Variants in SLC13A3 observed in about 807,000 individuals in gnomAD.
The protein encoded by SLC13A3 is Na(+)/dicarboxylate cotransporter 3.
Under a neutral mutation model 59.0 loss-of-function variants are expected in SLC13A3, and 40 were observed. The ratio of observed to expected loss-of-function variants is 0.68; its 90% CI spans 0.53 to 0.88. The LOEUF (loss-of-function observed/expected upper bound fraction) is 0.88, where lower values mean the gene tolerates loss of function less well. Among genes scored for constraint, SLC13A3 ranks in the 40% least tolerant of loss-of-function variants. The probability of loss-of-function intolerance (pLI) is 0.00; values close to 1 mark genes in which losing one functional copy is unlikely to be tolerated. For missense variants in SLC13A3, 699 were observed against 783.2 expected, an observed-to-expected ratio of 0.89 and a Z score of 1.28; for synonymous variants, 317 against 330.3, an observed-to-expected ratio of 0.96 and a Z score of 0.44.
chr20:46,587,739 T>C (rs1240737043), intron 8 of SLC13A3, among the ~76,000 whole-genome samples: 2 of 152,232 alleles, frequency 1.3e-5, no homozygotes, highest in Non-Finnish European at 2.9e-5. Context: ...GCTTAGCACA[T>C]AATAGGTTCT....
chr20:46,649,397 T>C (rs867058610), intron 1 of SLC13A3, among the ~76,000 whole-genome samples: 3 of 152,148 alleles, frequency 2.0e-5, no homozygotes, highest in Non-Finnish European at 2.9e-5. Context: ...CCCCCTCAAG[T>C]AGTAAATGCT....
intron 3 of SLC13A3, among the ~76,000 whole-genome samples, chr20:46,606,204 G>A (rs1413513161): frequency 6.6e-6 from 1 of 152,154 alleles, no homozygotes; most frequent in Non-Finnish European, 1.5e-5. Flanking sequence ...CGCTCAAGTA[G>A]GAGGGGAAAC....
chr20:46,638,120 C>T (rs531071388), intron 1 of SLC13A3, among the ~76,000 whole-genome samples: 4 of 152,306 alleles, frequency 2.6e-5, no homozygotes, highest in African/African-American at 7.2e-5. Context: ...GGATGTCCCA[C>T]GATTCTGGTC....
intron 1 of SLC13A3, among the ~76,000 whole-genome samples, chr20:46,682,926 A>G (rs1039990884): frequency 1.3e-5 from 2 of 152,178 alleles, no homozygotes; most frequent in African/African-American, 4.8e-5. Flanking sequence ...GCCCTTTGTG[A>G]GAGGAACTAG....
chr20:46,643,280 G>A (rs1204642), intron 1 of SLC13A3, among the ~76,000 whole-genome samples: 10,374 of 152,142 alleles, frequency 0.068, 1,135 homozygotes, highest in African/African-American at 0.23. Flanking sequence ...GATAAAGACC[G>A]TGAAGAAAAA....
At chr20:46,628,759 C>A (rs569150310) in intron 1 of SLC13A3, among the ~76,000 whole-genome samples, 12 of 152,340 alleles carry the variant, frequency 7.9e-5, no homozygotes, top group African/African-American at 2.4e-4. Context: ...GTAACACTAG[C>A]CACATTTCAG....
At chr20:46,661,711 G>A (rs1453140378) in intron 1 of SLC13A3, among the ~76,000 whole-genome samples, 2 of 152,102 alleles carry the variant, frequency 1.3e-5, no homozygotes, top group Non-Finnish European at 2.9e-5. Context: ...CATTTTGAAG[G>A]TCTGGAATGA....
At chr20:46,666,202 C>A (rs576000534) in intron 1 of SLC13A3, among the ~76,000 whole-genome samples, 1 of 152,196 alleles carries the variant, frequency 6.6e-6, no homozygotes, top group African/African-American at 2.4e-5. Context: ...ATTTAAATAA[C>A]ATTGAGTCAC....
intron 1 of SLC13A3, among the ~76,000 whole-genome samples, chr20:46,661,469 A>C (rs972478400): frequency 1.3e-5 from 2 of 152,200 alleles, no homozygotes; most frequent in East Asian, 3.9e-4. Context: ...AGCAGATCTG[A>C]GACCGGAGCA....
intron 4 of SLC13A3, among the ~76,000 whole-genome samples, chr20:46,599,225 C>A (rs1344088703): frequency 6.6e-6 from 1 of 152,252 alleles, no homozygotes; most frequent in Non-Finnish European, 1.5e-5. Context: ...TAGTGCCTGG[C>A]TCATCGTAAG....
At chr20:46,667,789 C>T (rs2063069605) in intron 1 of SLC13A3, among the ~76,000 whole-genome samples, 1 of 152,204 alleles carries the variant, frequency 6.6e-6, no homozygotes, top group Non-Finnish European at 1.5e-5. Context: ...TTTGTGACAA[C>T]CCTACAGTGA....
chr20:46,614,329 C>T (rs1199859641), intron 1 of SLC13A3, among the ~76,000 whole-genome samples: 1 of 152,186 alleles, frequency 6.6e-6, no homozygotes, highest in Non-Finnish European at 1.5e-5. Flanking sequence ...GAAGTTGGAG[C>T]ATTTATCTGC....
rs75489542 is a variant in SLC13A3 at position 46,660,309 on chromosome 20, A to C, written c.-31+9734T>G. On this transcript the variant is annotated intron_variant, in intron 1 of 12. Coordinates refer to the SLC13A3 transcript ENST00000290317. ...ATTCTCTCAGCTTCTGTTTATCTGAAAGTATCTTTATTTTTGCTTTTGTTT... is the reference window on the plus strand; with the variant it reads ...ATTCTCTCAGCTTCTGTTTATCTGACAGTATCTTTATTTTTGCTTTTGTTT... Among the ~76,000 whole-genome samples the C allele has an allele frequency of 2.4e-4, 37 of 152,254 alleles. No homozygotes were observed. The East Asian group carries it at 6.4e-3, about 26-fold the overall frequency.
Position 46,610,460 on chromosome 20 carries a change from C to A in SLC13A3, c.527G>T (p.Ser176Ile), listed in dbSNP as rs751658943. The part of the protein sequence containing the change: ...KEVRKDPSQE[S>I]EENTAAVRRN... ...CACAGCCTCACCTGTGTTCTCTTCA[C>A]TCTCCTGGCTGGGGTCCTTTCGAAC... Residue 176 changes from serine to isoleucine, a missense_variant, in exon 3 of 13, where the codon AGT (serine) becomes ATT (isoleucine). Ser to Ile is a moderately radical substitution (Grantham distance 142). Coordinates refer to ENST00000279027, the MANE Select transcript of SLC13A3 (RefSeq NM_022829.6). 3.7e-6 allele frequency: 6 copies of A among 1,613,220 alleles called. No homozygotes were observed. Among genetic ancestry groups the A allele is most frequent in the Non-Finnish European group, 5.1e-6 (6 of 1,179,580 alleles).
intron 10 of SLC13A3, among the ~76,000 whole-genome samples, chr20:46,566,870 A>G (rs2061985752): frequency 6.6e-6 from 1 of 151,160 alleles, no homozygotes; most frequent in South Asian, 2.1e-4. Flanking sequence ...TATATCATAT[A>G]TAAAACACGT....
In SLC13A3 at chr20:46,592,378, A is replaced by G. The variant is rs1488406946; in HGVS notation, c.920+26T>C. Reference sequence around the variant, plus strand: ...ACGCCATTCCCTGCTTCCCCACTCTATTGCCAAAAAGAAAATGAGAGGTAC... The same window carrying G: ...ACGCCATTCCCTGCTTCCCCACTCTGTTGCCAAAAAGAAAATGAGAGGTAC... On this transcript the variant is annotated intron_variant, in intron 6 of 12. Transcript: ENST00000279027. 1.9e-6 allele frequency: 3 copies of G among 1,611,318 alleles called. No individual in the cohort carries two copies. The East Asian group carries it at 6.7e-5, about 36-fold the overall frequency.
chr20:46,619,917 G>C (rs1487398378), intron 1 of SLC13A3, among the ~76,000 whole-genome samples: 1 of 152,150 alleles, frequency 6.6e-6, no homozygotes, highest in East Asian at 1.9e-4. Context: ...TTGAACTATA[G>C]CTTGATTACA....
At chr20:46,673,722 G>C (rs2063105986), upstream of SLC13A3, 1 of 152,228 alleles carries the variant, frequency 6.6e-6, no homozygotes, top group Non-Finnish European at 1.5e-5. Context: ...TTTACCACTA[G>C]GTTAAACTCC....
At chr20:46,624,357 T>TTA (rs1393101969) in intron 1 of SLC13A3, among the ~76,000 whole-genome samples, 1 of 152,260 alleles carries the variant, frequency 6.6e-6, no homozygotes, top group Non-Finnish European at 1.5e-5. Flanking sequence ...TACCTGTGTA[T>TTA]TATCTCAGTT....
Sources: allele counts gnomAD v4.1 joint callset (sites outside exome capture counted in the v4.1 genomes callset), GRCh38; gene constraint gnomAD v4.1.1; transcripts MANE v1.5; gene names NCBI Gene and HGNC (gene_info 2026-07-23, HGNC 2026-07-21).